Variants in GNAI2 observed in about 807,000 individuals in gnomAD.
GNAI2 encodes the protein guanine nucleotide-binding protein G(i) subunit alpha-2.
GNAI2 carries 4 observed loss-of-function variants against 36.8 expected under a neutral mutation model. The observed-to-expected ratio is 0.11, with a 90% CI of 0.05 to 0.25. The LOEUF is 0.25. Ranked by LOEUF, GNAI2 falls within the 10% of genes least tolerant of loss-of-function variation. The pLI is 1.00. For missense variants in GNAI2, 230 were observed against 481.3 expected (o/e 0.48, Z 4.89); for synonymous variants, 194 against 194.1 (o/e 1.00, Z 0.01).
chr3:50,227,751 G>T (rs772629815), upstream of GNAI2, among the ~76,000 whole-genome samples: 3 of 152,326 alleles, frequency 2.0e-5, no homozygotes, highest in African/African-American at 7.2e-5. The surrounding 1 kb of genome is among the most constrained non-coding windows in gnomAD (Gnocchi z 5.9). Flanking sequence ...ATTAGGGAGG[G>T]GCTGCGGTGG....
intron 1 of GNAI2, chr3:50,251,793 C>A: frequency 7.6e-7 from 1 of 1,308,036 alleles, no homozygotes; most frequent in South Asian, 1.4e-5. Context: ...CATGGCTGGC[C>A]AAGTCTCCAG....
At chr3:50,250,667 G>A (rs967267635) in intron 1 of GNAI2, among the ~76,000 whole-genome samples, 4 of 152,194 alleles carry the variant, frequency 2.6e-5, no homozygotes, top group Admixed American at 2.6e-4. Context: ...GTGAGGCCCT[G>A]CCTCCACTCC....
chr3:50,251,456 T>G, intron 1 of GNAI2: 1 of 1,052,264 alleles, frequency 9.5e-7, no homozygotes, highest in Non-Finnish European at 1.2e-6. Context: ...GCCGCAGGTC[T>G]CCCAGATTCA....
rs1553701259 is a variant in GNAI2, at chr3:50,242,528, C to T, written c.118+6075C>T. ...TGCTCTCAGGCAGCCCTTCCCTCAG[C>T]TACAGGTGCAGGGTGGAACCCCGTC... On this transcript the variant is annotated intron_variant, in intron 1 of 8. Coordinates refer to ENST00000313601, the MANE Select transcript of GNAI2 (RefSeq NM_002070.4). This position sits in a 1 kb window ranked among gnomAD's most constrained non-coding sequence, Gnocchi z 4.8. Among the ~76,000 whole-genome samples, 1 of 152,162 alleles carries T rather than the reference C, an allele frequency of 6.6e-6. No homozygotes were observed. The highest frequency in any genetic ancestry group is 2.4e-5 in the African/African-American group (1 of 41,414).
rs1700323974 is a variant in GNAI2, at chr3:50,242,684, A to G, written c.118+6231A>G. 6.6e-6 allele frequency among the ~76,000 whole-genome samples: 1 copy of G among 152,032 alleles called. No individual in the cohort carries two copies. Among genetic ancestry groups the G allele is most frequent in the Admixed American group, 6.5e-5 (1 of 15,276 alleles). ...GGCTGGGGAGGAAGAATCTTTCTGGAATAACCAAACATTTGCTGGGCTGGT... is the reference window on the plus strand; with the variant it reads ...GGCTGGGGAGGAAGAATCTTTCTGGGATAACCAAACATTTGCTGGGCTGGT... On this transcript the variant is annotated intron_variant, in intron 1 of 8. Coordinates refer to ENST00000313601, the MANE Select transcript of GNAI2 (RefSeq NM_002070.4). The surrounding 1 kb of genome is among the most constrained non-coding windows in gnomAD (Gnocchi z 4.8).
At chr3:50,251,365 G>A in intron 1 of GNAI2, 1 of 996,246 alleles carries the variant, frequency 1.0e-6, no homozygotes, top group Non-Finnish European at 1.2e-6. Context: ...CAGCTAAAGA[G>A]AAATATGGGC....
In GNAI2 at chr3:50,252,600, G is replaced by GTGGCTCATGCCTA; in HGVS notation, c.303+64_303+76dup. On this transcript the variant is annotated intron_variant, in intron 3 of 8. Coordinates refer to ENST00000313601, the MANE Select transcript of GNAI2 (RefSeq NM_002070.4). The surrounding 1 kb of genome is among the most constrained non-coding windows in gnomAD (Gnocchi z 4.1). ...AAAGGTTTCGGGGTGGCTGGTTGTG[G>GTGGCTCATGCCTA]TGGCTCATGCCTATAAATCCCAGCA... 7.2e-7 allele frequency: 1 copy of GTGGCTCATGCCTA among 1,391,310 alleles called. No homozygotes were observed. 86.2% of individuals were successfully genotyped at this position (1,391,310 alleles called of 1,614,324 possible). A position where few individuals can be genotyped will look rare whatever the true frequency, so the allele number is the denominator to read the frequency against.
chr3:50,247,768 G>A, intron 1 of GNAI2, among the ~76,000 whole-genome samples: 1 of 152,250 alleles, frequency 6.6e-6, no homozygotes, highest in East Asian at 1.9e-4. Context: ...CTTCCTTGGT[G>A]GGAAGAGGTG....
chr3:50,255,880 G>A lies in GNAI2; in HGVS notation c.465-312G>A, dbSNP rs916955843. Among the ~76,000 whole-genome samples the A allele has an allele frequency of 2.0e-5, 3 of 151,670 alleles. No individual in the cohort carries two copies. In the East Asian group the frequency reaches 5.8e-4, roughly 29 times the overall value. On this transcript the variant is annotated intron_variant, in intron 4 of 8. Coordinates refer to ENST00000313601, the MANE Select transcript of GNAI2 (RefSeq NM_002070.4). The surrounding 1 kb of genome is among the most constrained non-coding windows in gnomAD (Gnocchi z 4.0). ...ATCCTGGCCAACATGGTGAAACCCC[G>A]TCTCTACTAAAAATACAAAAATTAG...
intron 1 of GNAI2, chr3:50,251,554 T>G (rs1197270562): frequency 3.4e-6 from 4 of 1,183,362 alleles, no homozygotes; most frequent in Non-Finnish European, 4.3e-6. Flanking sequence ...CTGAGCGCAG[T>G]GAGCAGAGGG....
chr3:50,232,221 T>C (rs1337901232), upstream of GNAI2, among the ~76,000 whole-genome samples: 1 of 152,070 alleles, frequency 6.6e-6, no homozygotes, highest in Admixed American at 6.5e-5. Context: ...TCCCAGCTAC[T>C]TGGGGAGCTG....
intron 1 of GNAI2, among the ~76,000 whole-genome samples, chr3:50,249,851 C>T (rs1024955463): frequency 6.6e-6 from 1 of 152,212 alleles, no homozygotes; most frequent in East Asian, 1.9e-4. Context: ...TGGTCTCTGG[C>T]GTAGGGGGCT....
chr3:50,240,918 C>CA (rs11302773), intron 1 of GNAI2, among the ~76,000 whole-genome samples: 141 of 86,690 alleles, frequency 1.6e-3, no homozygotes, highest in African/African-American at 4.1e-3. Context: ...GACTCTGTCT[C>CA]AAAAAAAAAA....
intron 1 of GNAI2, among the ~76,000 whole-genome samples, chr3:50,239,427 G>A (rs1433989130): frequency 6.6e-6 from 1 of 152,190 alleles, no homozygotes; most frequent in Admixed American, 6.5e-5. Context: ...CAGCGCTGTT[G>A]CTTCCCCCCT....
Position 50,255,996 on chromosome 3 carries a change from A to G in GNAI2, c.465-196A>G, listed in dbSNP as rs1700687442. Among the ~76,000 whole-genome samples the G allele has an allele frequency of 6.7e-6, 1 of 148,212 alleles. No homozygotes were observed. Among genetic ancestry groups the G allele is most frequent in the South Asian group, 2.2e-4 (1 of 4,602 alleles). On this transcript the variant is annotated intron_variant, in intron 4 of 8. Coordinates refer to ENST00000313601, the MANE Select transcript of GNAI2 (RefSeq NM_002070.4). This position sits in a 1 kb window ranked among gnomAD's most constrained non-coding sequence, Gnocchi z 4.0. The stretch of plus-strand genomic sequence containing the variant: ...GGCAGGCAGAGGTTGCAGTGAGCCA[A>G]GATCATGCCACTGCACTCCAGCCTG...
chr3:50,249,986 G>A (rs1223090038), intron 1 of GNAI2, among the ~76,000 whole-genome samples: 1 of 152,196 alleles, frequency 6.6e-6, no homozygotes, highest in Non-Finnish European at 1.5e-5. Context: ...AGTGCCAGGT[G>A]GACTGTGTGG....
upstream of GNAI2, among the ~76,000 whole-genome samples, chr3:50,228,294 G>A (rs903697569): frequency 6.6e-6 from 1 of 152,224 alleles, no homozygotes; most frequent in Non-Finnish European, 1.5e-5. Context: ...GCTCACGCCT[G>A]TAATCCTAGC....
intron 1 of GNAI2, among the ~76,000 whole-genome samples, chr3:50,248,178 G>T (rs139010785): frequency 1.2e-4 from 19 of 152,298 alleles, no homozygotes; most frequent in Non-Finnish European, 2.5e-4. Flanking sequence ...AGGTTGAACC[G>T]GGAGGCAAAG....
At chr3:50,249,168 G>A (rs782040100) in intron 1 of GNAI2, among the ~76,000 whole-genome samples, 10 of 152,116 alleles carry the variant, frequency 6.6e-5, no homozygotes, top group Admixed American at 2.0e-4. Flanking sequence ...GTCTGAGCTC[G>A]CCTGGCTCGG....
Sources: allele counts gnomAD v4.1 joint callset (sites outside exome capture counted in the v4.1 genomes callset), GRCh38; gene constraint gnomAD v4.1.1; non-coding constraint Gnocchi (gnomAD v3.1); transcripts MANE v1.5; gene names NCBI Gene and HGNC (gene_info 2026-07-23, HGNC 2026-07-21).